MBNL1: variants seen among roughly 807,000 people sequenced by gnomAD.
The protein encoded by MBNL1 is muscleblind-like protein 1.
A neutral mutation model predicts 42.2 loss-of-function variants in MBNL1; 8 were observed. The observed-to-expected ratio is 0.19, with a 90% confidence interval of 0.11 to 0.34. The LOEUF is 0.34. MBNL1 is among the 10% of genes least tolerant of loss of function. The pLI, the probability that MBNL1 is intolerant of heterozygous loss-of-function variation, is 1.00. For missense variants in MBNL1, 309 were observed against 495.3 expected (o/e 0.62, Z 3.57); for synonymous variants, 169 against 173.9 (o/e 0.97, Z 0.22).
At chr3:152,346,208 A>G (rs1013693605) in intron 2 of MBNL1, among the ~76,000 whole-genome samples, 1 of 152,078 alleles carries the variant, frequency 6.6e-6, no homozygotes, top group African/African-American at 2.4e-5. Context: ...ACAAAAAACA[A>G]TGTGAAGTTA....
intron 2 of MBNL1, among the ~76,000 whole-genome samples, chr3:152,261,957 C>T (rs759663122): frequency 5.1e-4 from 77 of 152,216 alleles, no homozygotes; most frequent in Admixed American, 1.6e-3. Context: ...ATCTGCTTGG[C>T]ACATGGTAAG....
chr3:152,266,408 T>C (rs895033113), upstream of MBNL1: 1 of 152,196 alleles, frequency 6.6e-6, no homozygotes, highest in Non-Finnish European at 1.5e-5. Flanking sequence ...AGAAATATAA[T>C]TTCCCCTTTT....
At chr3:152,338,077 G>A (rs758537596) in intron 2 of MBNL1, 54 of 941,814 alleles carry the variant, frequency 5.7e-5, no homozygotes, top group African/African-American at 1.2e-4. Context: ...CATAAATGCC[G>A]TAGGCATGCT....
intron 8 of MBNL1, chr3:152,458,481 G>A: frequency 2.8e-6 from 1 of 351,374 alleles, no homozygotes; most frequent in Non-Finnish European, 5.4e-6. Flanking sequence ...GAGTTGCTTT[G>A]CTCAGGGTCA....
At chr3:152,381,008 A>G (rs1407216173) in intron 2 of MBNL1, among the ~76,000 whole-genome samples, 1 of 152,100 alleles carries the variant, frequency 6.6e-6, no homozygotes, top group Non-Finnish European at 1.5e-5. Flanking sequence ...CAGCAATAAG[A>G]TAAACTGGCT....
At chr3:152,253,558 T>C (rs897766723) in intron 2 of MBNL1, among the ~76,000 whole-genome samples, 1 of 152,154 alleles carries the variant, frequency 6.6e-6, no homozygotes, top group Non-Finnish European at 1.5e-5. Flanking sequence ...TTGCTTCTTA[T>C]TTTAATTAGG....
chr3:152,312,028 A>G (rs574882812), intron 2 of MBNL1, among the ~76,000 whole-genome samples: 222 of 151,880 alleles, frequency 1.5e-3, no homozygotes, highest in African/African-American at 5.0e-3. Context: ...CGTCTCTACT[A>G]AAAATACAAA....
chr3:152,376,400 C>G (rs930615475), intron 2 of MBNL1, among the ~76,000 whole-genome samples: 1 of 152,068 alleles, frequency 6.6e-6, no homozygotes, highest in African/African-American at 2.4e-5. Context: ...AATCTTTTGT[C>G]TAATACAGTG....
At chr3:152,348,816 C>T (rs981699912) in intron 2 of MBNL1, among the ~76,000 whole-genome samples, 6 of 151,944 alleles carry the variant, frequency 3.9e-5, no homozygotes, top group African/African-American at 7.3e-5. Context: ...AACATTTAGC[C>T]GGCAGCAGCA....
chr3:152,294,797 T>C (rs2057847937), intron 1 of MBNL1, among the ~76,000 whole-genome samples: 1 of 152,216 alleles, frequency 6.6e-6, no homozygotes. Context: ...ACATTATATC[T>C]ATCTGTAGAA....
intron 8 of MBNL1, among the ~76,000 whole-genome samples, chr3:152,457,109 C>T (rs1735219380): frequency 6.6e-6 from 1 of 151,686 alleles, no homozygotes; most frequent in African/African-American, 2.4e-5. Flanking sequence ...TTATGATATA[C>T]AATAATAACT....
chr3:152,266,999 C>A (rs1251974437), upstream of MBNL1: 1 of 152,198 alleles, frequency 6.6e-6, no homozygotes, highest in Non-Finnish European at 1.5e-5. Context: ...CTTTTAGTGT[C>A]ATCTCCTGCC....
intron 2 of MBNL1, among the ~76,000 whole-genome samples, chr3:152,260,894 A>G (rs1391602990): frequency 6.6e-6 from 1 of 152,216 alleles, no homozygotes; most frequent in East Asian, 1.9e-4. Context: ...ATCCACAGCT[A>G]GTCCTAACTC....
chr3:152,317,931 G>T (rs544729259), intron 2 of MBNL1, among the ~76,000 whole-genome samples: 7 of 152,314 alleles, frequency 4.6e-5, no homozygotes, highest in Admixed American at 3.9e-4. Flanking sequence ...TCCTTTAGCT[G>T]CAACAAATGA....
At chr3:152,385,387 C>CA (rs1465754087) in intron 2 of MBNL1, among the ~76,000 whole-genome samples, 1 of 151,846 alleles carries the variant, frequency 6.6e-6, no homozygotes, top group Non-Finnish European at 1.5e-5. Flanking sequence ...TCTTTGATTT[C>CA]AAAAAATCAC....
intron 2 of MBNL1, among the ~76,000 whole-genome samples, chr3:152,310,917 A>G (rs2152029723): frequency 6.6e-6 from 1 of 151,626 alleles, no homozygotes; most frequent in Non-Finnish European, 1.5e-5. Context: ...TCATTTCATA[A>G]CTTTTTTTTT....
At chr3:152,406,662 A>G (rs2098436964) in intron 2 of MBNL1, among the ~76,000 whole-genome samples, 1 of 152,188 alleles carries the variant, frequency 6.6e-6, no homozygotes, top group Non-Finnish European at 1.5e-5. Flanking sequence ...AAAAAAAGTC[A>G]TAGTATCCCA....
intron 3 of MBNL1, among the ~76,000 whole-genome samples, chr3:152,416,070 A>T (rs1356522794): frequency 6.6e-6 from 1 of 152,196 alleles, no homozygotes; most frequent in African/African-American, 2.4e-5. Context: ...GTGAAGACCC[A>T]TGTTTTTCTG....
intron 2 of MBNL1, chr3:152,337,967 C>A: frequency 2.4e-6 from 1 of 411,810 alleles, no homozygotes; most frequent in Non-Finnish European, 3.3e-6. Context: ...ATTTCTGCTG[C>A]CTTGCGGATC....
Sources: allele counts gnomAD v4.1 joint callset (sites outside exome capture counted in the v4.1 genomes callset), GRCh38; gene constraint gnomAD v4.1.1; transcripts MANE v1.5; gene names NCBI Gene and HGNC (gene_info 2026-07-23, HGNC 2026-07-21).